Variants in EPB41L4A observed in about 807,000 individuals in gnomAD.
EPB41L4A encodes the protein band 4.1-like protein 4A.
Under a neutral mutation model 108.6 loss-of-function variants are expected in EPB41L4A, and 100 were observed. The observed-to-expected ratio is 0.92, with a 90% CI of 0.78 to 1.09. EPB41L4A has a LOEUF of 1.09. Ranked by LOEUF, EPB41L4A falls within the 50% of genes least tolerant of loss-of-function variation. The pLI is 0.00. For synonymous variants in EPB41L4A, 319 were observed against 289.0 expected, an observed-to-expected ratio of 1.10 and a Z score of -1.05; for missense variants, 1,030 against 842.7, an observed-to-expected ratio of 1.22 and a Z score of -2.75.
At chr5:112,195,576 C>A (rs1349491405) in intron 16 of EPB41L4A, 85 bp downstream of exon 16, 1 of 1,128,736 alleles carries the variant, frequency 8.9e-7, no homozygotes, top group South Asian at 1.3e-5. Context: ...AAAAATAATG[C>A]CCCCGCTCTT....
intron 1 of EPB41L4A, among the ~76,000 whole-genome samples, chr5:112,392,051 G>C (rs1169389817): frequency 2.6e-5 from 4 of 152,032 alleles, no homozygotes; most frequent in Admixed American, 6.6e-5. Flanking sequence ...ACCAGTCCTG[G>C]CTTACAAGAG....
At chr5:112,418,607 G>C (rs1049013311) in intron 1 of EPB41L4A, among the ~76,000 whole-genome samples, 1 of 152,204 alleles carries the variant, frequency 6.6e-6, no homozygotes, top group Non-Finnish European at 1.5e-5. Flanking sequence ...GACGCAGCTG[G>C]TATAACCCAT....
intron 12 of EPB41L4A, among the ~76,000 whole-genome samples, chr5:112,218,555 G>A (rs374903529): frequency 6.6e-6 from 1 of 152,176 alleles, no homozygotes; most frequent in African/African-American, 2.4e-5. Context: ...TTGGTCTAGG[G>A]CAGGTGGATA....
At chr5:112,270,712 A>G (rs1580576713) in intron 4 of EPB41L4A, among the ~76,000 whole-genome samples, 1 of 152,320 alleles carries the variant, frequency 6.6e-6, no homozygotes, top group Non-Finnish European at 1.5e-5. Context: ...ACAGGGACTC[A>G]GGAAGTAAGC....
intron 1 of EPB41L4A, among the ~76,000 whole-genome samples, chr5:112,335,466 G>A (rs1756856568): frequency 6.6e-6 from 1 of 152,228 alleles, no homozygotes; most frequent in South Asian, 2.1e-4. Flanking sequence ...AAGCAGTCCA[G>A]TAGGTTGAAT....
chr5:112,171,917 T>TG (rs1255032861), intron 18 of EPB41L4A, among the ~76,000 whole-genome samples: 1 of 152,038 alleles, frequency 6.6e-6, no homozygotes, highest in Non-Finnish European at 1.5e-5. Context: ...TATTAGCATT[T>TG]GGGGGGCTCA....
chr5:112,150,396 A>G (rs1230910234), intron 12 of EPB41L4A, among the ~76,000 whole-genome samples: 2 of 152,306 alleles, frequency 1.3e-5, no homozygotes, highest in East Asian at 3.9e-4. Context: ...CTATTTCAAG[A>G]CATAAAAGAG....
chr5:112,234,613 C>G (rs1749196535), intron 12 of EPB41L4A, 21 bp downstream of exon 12: 2 of 1,610,048 alleles, frequency 1.2e-6, no homozygotes, highest in Non-Finnish European at 1.7e-6. Flanking sequence ...ACATAGATAA[C>G]TCAGGGGAAC....
At chr5:112,214,703 T>G (rs1257266047) in intron 12 of EPB41L4A, among the ~76,000 whole-genome samples, 1 of 152,070 alleles carries the variant, frequency 6.6e-6, no homozygotes, top group African/African-American at 2.4e-5. Context: ...GAGGCGGAGC[T>G]TGCAGTGAGT....
intron 1 of EPB41L4A, among the ~76,000 whole-genome samples, chr5:112,318,296 A>C (rs541708771): frequency 6.6e-6 from 1 of 152,326 alleles, no homozygotes; most frequent in Non-Finnish European, 1.5e-5. Flanking sequence ...GAGATTAAAT[A>C]ATGTGTAATG....
intron 1 of EPB41L4A, among the ~76,000 whole-genome samples, chr5:112,375,576 A>G (rs1379157709): frequency 2.6e-5 from 4 of 152,210 alleles, no homozygotes; most frequent in Non-Finnish European, 4.4e-5. Flanking sequence ...CCATGATAAA[A>G]AATTCATAAA....
downstream of EPB41L4A, chr5:112,161,442 C>T (rs779978612): frequency 2.0e-5 from 10 of 492,102 alleles, no homozygotes; most frequent in East Asian, 5.7e-4. Context: ...TACTGTCAGC[C>T]AGTCAGCAAC....
At chr5:112,161,485 A>T (rs540845114), downstream of EPB41L4A, 1 of 518,884 alleles carries the variant, frequency 1.9e-6, no homozygotes, top group Admixed American at 1.9e-5. Context: ...ACGCAGTGTC[A>T]GCCTTTGTGT....
intron 1 of EPB41L4A, among the ~76,000 whole-genome samples, chr5:112,317,270 C>A (rs1033160513): frequency 6.6e-6 from 1 of 152,148 alleles, no homozygotes; most frequent in Non-Finnish European, 1.5e-5. Flanking sequence ...AGTAAATCAT[C>A]TTGATCATCT....
intron 13 of EPB41L4A, among the ~76,000 whole-genome samples, chr5:112,207,606 G>T (rs1762532503): frequency 6.6e-6 from 1 of 151,896 alleles, no homozygotes; most frequent in Admixed American, 6.6e-5. Context: ...TTAAAAAATG[G>T]GCAAAGGACA....
intron 1 of EPB41L4A, among the ~76,000 whole-genome samples, chr5:112,315,700 C>T (rs1031494404): frequency 6.6e-6 from 1 of 151,754 alleles, no homozygotes; most frequent in African/African-American, 2.4e-5. Flanking sequence ...GGCTAAAACA[C>T]CAAAAACTGA....
At chr5:112,265,763 C>T (rs562977624) in intron 5 of EPB41L4A, among the ~76,000 whole-genome samples, 16 of 152,130 alleles carry the variant, frequency 1.1e-4, no homozygotes, top group Non-Finnish European at 2.1e-4. Context: ...CTGGAGCCAC[C>T]CCACACAGCC....
intron 9 of EPB41L4A, among the ~76,000 whole-genome samples, chr5:112,251,452 G>A (rs991635547): frequency 1.3e-5 from 2 of 152,146 alleles, no homozygotes; most frequent in Non-Finnish European, 2.9e-5. Flanking sequence ...ACAAAAGAAT[G>A]AGAAAGCTCT....
intron 19 of EPB41L4A, 23 bp downstream of exon 19, chr5:112,170,922 T>C: frequency 6.2e-7 from 1 of 1,607,196 alleles, no homozygotes; most frequent in Non-Finnish European, 8.5e-7. Flanking sequence ...TTTAAAACAA[T>C]AAGAAAGAAA....
Sources: gnomAD v4.1 joint callset for allele counts (sites outside exome capture counted in the v4.1 genomes callset) on GRCh38, gnomAD v4.1.1 for gene constraint, MANE v1.5 for transcripts, NCBI Gene and HGNC (gene_info 2026-07-23, HGNC 2026-07-21) for gene names.